The following EXT1 variants were observed in gnomAD, a reference collection of about 807,000 sequenced individuals.
The protein encoded by EXT1 is exostosin glycosyltransferase 1, also known as exostosin-1.
In EXT1, 20 loss-of-function variants were observed where a neutral mutation model predicts 82.5. That is an observed-to-expected ratio of 0.24 (90% CI 0.17 to 0.35). The LOEUF is 0.35. Ranked by LOEUF, EXT1 falls within the 10% of genes least tolerant of loss-of-function variation. EXT1 has a pLI of 1.00. For missense variants in EXT1, 757 were observed against 936.5 expected (o/e 0.81, Z 2.50); for synonymous variants, 348 against 350.8 (o/e 0.99, Z 0.09).
rs1823075934 is a variant in EXT1, at chr8:117,795,476, C to T, written c.*4236G>A. The T allele has an allele frequency of 1.5e-5, 2 of 130,980 alleles. No individual in the cohort carries two copies. The highest frequency in any genetic ancestry group is 6.2e-5 in the African/African-American group (2 of 32,516). 8.1% of individuals were successfully genotyped at this position (130,980 alleles called of 1,614,324 possible). ...ACCACTATCTTAGGGTACTTAATCC[C>T]CCAAGCTTTTTTTTTTTTTTAAAGA... is the stretch of plus-strand genomic sequence containing the variant. On this transcript the variant is annotated 3_prime_UTR_variant, in exon 11 of 11. Transcript: ENST00000378204.
At chr8:118,044,396 T>C (rs185843599) in intron 1 of EXT1, among the ~76,000 whole-genome samples, 1 of 151,690 alleles carries the variant, frequency 6.6e-6, no homozygotes, top group African/African-American at 2.4e-5. Context: ...TGAAATGTTT[T>C]TGGTCTTCTT....
At position 118,039,538 on chromosome 8, in the gene EXT1, C is replaced by A. The variant is rs950295831; in HGVS notation, c.962+70547G>T. Among the ~76,000 whole-genome samples the A allele has an allele frequency of 4.7e-5, 5 of 105,958 alleles. No homozygotes were observed. The Admixed American group carries it at 6.1e-4, about 13-fold the overall frequency. 69.5% of individuals were successfully genotyped at this position (105,958 alleles called of 152,430 possible). A position where few individuals can be genotyped will look rare whatever the true frequency, so the allele number is the denominator to read the frequency against. On this transcript the variant is annotated intron_variant, in intron 1 of 10. Coordinates refer to ENST00000378204, the MANE Select transcript of EXT1 (RefSeq NM_000127.3). ...TGGCGCCACTTCACTCCAGCCTGGACAAGAGAGAGACTCCGTCACAAAAAA... is the reference window on the plus strand; with the variant it reads ...TGGCGCCACTTCACTCCAGCCTGGAAAAGAGAGAGACTCCGTCACAAAAAA...
At chr8:118,034,282 A>C (rs1307951352) in intron 1 of EXT1, among the ~76,000 whole-genome samples, 2 of 152,182 alleles carry the variant, frequency 1.3e-5, no homozygotes, top group African/African-American at 4.8e-5. Flanking sequence ...CAATCCCAGA[A>C]GGGTACCATC....
At chr8:118,091,753 A>AAAAT (rs1362633611) in intron 1 of EXT1, among the ~76,000 whole-genome samples, 1 of 152,104 alleles carries the variant, frequency 6.6e-6, no homozygotes, top group African/African-American at 2.4e-5. Flanking sequence ...TCACAAAAAT[A>AAAAT]AATAAATAAA....
At chr8:117,946,552 G>A (rs2129685229) in intron 1 of EXT1, among the ~76,000 whole-genome samples, 1 of 152,288 alleles carries the variant, frequency 6.6e-6, no homozygotes, top group Middle Eastern at 3.4e-3. Context: ...CCAGGGCGCT[G>A]AGCAACCTAC....
At chr8:118,097,697 G>A (rs943317064) in intron 1 of EXT1, among the ~76,000 whole-genome samples, 18 of 152,162 alleles carry the variant, frequency 1.2e-4, no homozygotes, top group African/African-American at 4.3e-4. Flanking sequence ...CATCTAGAAG[G>A]CAGGTACGTG....
intron 1 of EXT1, among the ~76,000 whole-genome samples, chr8:117,993,938 C>A (rs1046315742): frequency 2.0e-5 from 3 of 152,186 alleles, no homozygotes; most frequent in Non-Finnish European, 4.4e-5. Context: ...TGGCCAATGG[C>A]TTCTTTTCCT....
At chr8:118,004,254 A>T (rs1156683992) in intron 1 of EXT1, among the ~76,000 whole-genome samples, 5 of 152,238 alleles carry the variant, frequency 3.3e-5, no homozygotes, top group Admixed American at 3.3e-4. Flanking sequence ...CCATGTGTGC[A>T]TCCATGTTCA....
intron 1 of EXT1, among the ~76,000 whole-genome samples, chr8:117,851,640 CA>C (rs1226249849): frequency 5.3e-5 from 8 of 151,838 alleles, no homozygotes; most frequent in African/African-American, 1.7e-4. Flanking sequence ...CACACACACA[CA>C]CACACACACC....
intron 1 of EXT1, among the ~76,000 whole-genome samples, chr8:117,901,677 A>G (rs1185221470): frequency 2.0e-5 from 3 of 152,152 alleles, no homozygotes; most frequent in Non-Finnish European, 2.9e-5. Context: ...ATATAGCTTT[A>G]CAAAAATATT....
chr8:118,064,150 C>T (rs1816934157), intron 1 of EXT1, among the ~76,000 whole-genome samples: 1 of 152,154 alleles, frequency 6.6e-6, no homozygotes, highest in African/African-American at 2.4e-5. Context: ...AGGCGTGAGC[C>T]ACCGCGTCAA....
chr8:117,996,072 G>A (rs916710632), intron 1 of EXT1, among the ~76,000 whole-genome samples: 19 of 152,150 alleles, frequency 1.2e-4, no homozygotes, highest in Non-Finnish European at 2.4e-4. Context: ...TTTGAATCCA[G>A]ACAGGATAAA....
At chr8:117,860,661 A>AT (rs1355358081) in intron 1 of EXT1, among the ~76,000 whole-genome samples, 1 of 152,198 alleles carries the variant, frequency 6.6e-6, no homozygotes, top group East Asian at 1.9e-4. Flanking sequence ...GAATCTAAAC[A>AT]TTTTTCTTAA....
chr8:117,895,898 C>T (rs568332405), intron 1 of EXT1, among the ~76,000 whole-genome samples: 2 of 152,320 alleles, frequency 1.3e-5, no homozygotes, highest in African/African-American at 4.8e-5. Flanking sequence ...ACTCAAACTT[C>T]CAGCAGCCCA....
chr8:117,925,705 C>CAAAAAAAA (rs3049788), intron 1 of EXT1, among the ~76,000 whole-genome samples: 7 of 98,584 alleles, frequency 7.1e-5, no homozygotes, highest in Non-Finnish European at 1.2e-4. Context: ...CCTGTCTCTA[C>CAAAAAAAA]AAAAAAAAAA....
intron 1 of EXT1, among the ~76,000 whole-genome samples, chr8:118,077,876 G>T (rs993372728): frequency 1.3e-5 from 2 of 151,796 alleles, no homozygotes; most frequent in Non-Finnish European, 2.9e-5. Context: ...TTATAATTTC[G>T]ATTGTGTTCT....
At chr8:117,925,359 C>A (rs374809023) in intron 1 of EXT1, among the ~76,000 whole-genome samples, 66 of 142,420 alleles carry the variant, frequency 4.6e-4, no homozygotes, top group South Asian at 6.6e-4. Context: ...GCAACCACCT[C>A]AAAAAAAAAA....
chr8:117,845,096 G>C (rs1014805169), intron 1 of EXT1, among the ~76,000 whole-genome samples: 12 of 152,190 alleles, frequency 7.9e-5, no homozygotes, highest in South Asian at 4.1e-4. Flanking sequence ...CCACAGAAGA[G>C]AGTCTCCTTT....
rs190424202 is a variant in EXT1 at position 117,898,508 on chromosome 8, T to C, written c.963-61307A>G. On this transcript the variant is annotated intron_variant, in intron 1 of 10. Transcript: ENST00000378204. ...GTAACAGAATCATGGTATTTTCATA[T>C]TGAGAAGGCTCTTTTTGATTCAGCC... 7.2e-5 allele frequency among the ~76,000 whole-genome samples: 11 copies of C among 152,358 alleles called. No homozygotes were observed. The East Asian group carries it at 2.1e-3, about 29-fold the overall frequency.
Sources: gnomAD v4.1 joint callset for allele counts (sites outside exome capture counted in the v4.1 genomes callset) on GRCh38, gnomAD v4.1.1 for gene constraint, MANE v1.5 for transcripts, NCBI Gene and HGNC (gene_info 2026-07-23, HGNC 2026-07-21) for gene names.